Variants in NDUFAF2 observed in about 807,000 individuals in gnomAD.
NDUFAF2 encodes the protein NADH:ubiquinone oxidoreductase complex assembly factor 2.
Under a neutral mutation model 22.8 loss-of-function variants are expected in NDUFAF2, and 13 were observed. That is an observed-to-expected ratio of 0.57 (90% CI 0.37 to 0.91). The LOEUF (loss-of-function observed/expected upper bound fraction) is 0.91, where lower values mean the gene tolerates loss of function less well. Ranked by LOEUF, NDUFAF2 falls within the 40% of genes least tolerant of loss-of-function variation. NDUFAF2 has a pLI of 0.01. For synonymous variants in NDUFAF2, 53 were observed against 64.2 expected (o/e 0.83, Z 0.84); for missense variants, 162 against 195.2 (o/e 0.83, Z 1.01).
At chr5:61,124,555 CTG>C (rs908641966) in intron 3 of NDUFAF2, among the ~76,000 whole-genome samples, 1 of 151,854 alleles carries the variant, frequency 6.6e-6, no homozygotes, top group African/African-American at 2.4e-5. Context: ...CTGTCTAGTC[CTG>C]TGTTTTCCAG....
At chr5:60,978,661 T>C (rs999765384) in intron 1 of NDUFAF2, among the ~76,000 whole-genome samples, 3 of 152,104 alleles carry the variant, frequency 2.0e-5, no homozygotes, top group Non-Finnish European at 4.4e-5. Flanking sequence ...TCTCCAACAT[T>C]GGGGATTACA....
At chr5:60,969,611 T>G (rs2112572041) in intron 1 of NDUFAF2, among the ~76,000 whole-genome samples, 1 of 152,284 alleles carries the variant, frequency 6.6e-6, no homozygotes, top group East Asian at 1.9e-4. Context: ...TCCTTCTATA[T>G]TCTGGTTATT....
chr5:60,947,531 C>T (rs1580061441), intron 1 of NDUFAF2, among the ~76,000 whole-genome samples: 1 of 151,936 alleles, frequency 6.6e-6, no homozygotes, highest in Non-Finnish European at 1.5e-5. Context: ...TTTGGGAGGC[C>T]GAGGTGGGTG....
chr5:61,081,753 T>C (rs1385339535), intron 2 of NDUFAF2, among the ~76,000 whole-genome samples: 1 of 152,220 alleles, frequency 6.6e-6, no homozygotes, highest in Non-Finnish European at 1.5e-5. Flanking sequence ...TTTTTTGAGG[T>C]TTCTTAATAG....
chr5:61,050,311 T>A (rs1180381059), intron 1 of NDUFAF2: 1 of 152,118 alleles, frequency 6.6e-6, no homozygotes, highest in African/African-American at 2.4e-5. Flanking sequence ...TAGTGTATTT[T>A]AAATTCAACT....
intron 1 of NDUFAF2, among the ~76,000 whole-genome samples, chr5:61,002,648 T>A (rs918653965): frequency 1.3e-4 from 20 of 152,162 alleles, no homozygotes; most frequent in Admixed American, 1.3e-3. Flanking sequence ...AGATGTACAG[T>A]TGGATACAAT....
intron 1 of NDUFAF2, among the ~76,000 whole-genome samples, chr5:61,036,750 C>A (rs1751805147): frequency 6.6e-6 from 1 of 152,082 alleles, no homozygotes; most frequent in African/African-American, 2.4e-5. Flanking sequence ...AGAGTTGTGA[C>A]CTTGGGCCAG....
At chr5:61,127,967 A>G (rs1206727400) in intron 3 of NDUFAF2, among the ~76,000 whole-genome samples, 2 of 152,214 alleles carry the variant, frequency 1.3e-5, no homozygotes, top group African/African-American at 2.4e-5. Flanking sequence ...TATAAAATCA[A>G]TGTGCGAAAA....
At chr5:61,150,458 T>G (rs1200866435) in intron 3 of NDUFAF2, among the ~76,000 whole-genome samples, 2 of 152,150 alleles carry the variant, frequency 1.3e-5, no homozygotes, top group African/African-American at 4.8e-5. Flanking sequence ...TGGCTTTTCT[T>G]TTGCCTCAAT....
intron 3 of NDUFAF2, among the ~76,000 whole-genome samples, chr5:61,120,859 A>G (rs1393953677): frequency 2.0e-5 from 3 of 152,088 alleles, no homozygotes; most frequent in Non-Finnish European, 4.4e-5. Context: ...TTTTTTATCC[A>G]TACATTTTTT....
chr5:61,140,377 C>A (rs60294165), intron 3 of NDUFAF2, among the ~76,000 whole-genome samples: 5,025 of 152,280 alleles, frequency 0.033, 309 homozygotes, highest in African/African-American at 0.11. Flanking sequence ...TATCCGATTT[C>A]TCTGTTCCAG....
intron 3 of NDUFAF2, among the ~76,000 whole-genome samples, chr5:61,142,221 T>A (rs947586301): frequency 6.6e-6 from 1 of 152,250 alleles, no homozygotes; most frequent in Non-Finnish European, 1.5e-5. Context: ...TGTGTCTTTA[T>A]GCTTAGAGGC....
At chr5:61,139,663 G>T (rs958064380) in intron 3 of NDUFAF2, among the ~76,000 whole-genome samples, 6 of 152,282 alleles carry the variant, frequency 3.9e-5, no homozygotes, top group Admixed American at 3.3e-4. Flanking sequence ...AGGCTAATAG[G>T]GGCGGGTCCC....
chr5:61,121,762 AC>A (rs1417994320), intron 3 of NDUFAF2, among the ~76,000 whole-genome samples: 1 of 152,018 alleles, frequency 6.6e-6, no homozygotes, highest in Admixed American at 6.6e-5. Flanking sequence ...AGGGAAAAAA[AC>A]ATTCCCTCTA....
At chr5:61,145,857 TC>T (rs1661216528) in intron 3 of NDUFAF2, 1 of 152,108 alleles carries the variant, frequency 6.6e-6, no homozygotes, top group African/African-American at 2.4e-5. Flanking sequence ...AGAATGATAT[TC>T]TTCAATATTT....
intron 1 of NDUFAF2, among the ~76,000 whole-genome samples, chr5:60,984,185 T>A (rs1232207546): frequency 2.6e-5 from 4 of 152,224 alleles, no homozygotes; most frequent in African/African-American, 9.6e-5. Flanking sequence ...AGTTCATTCA[T>A]GATTTGGCTG....
intron 3 of NDUFAF2, among the ~76,000 whole-genome samples, chr5:61,118,112 C>T (rs2111794807): frequency 6.6e-6 from 1 of 152,292 alleles, no homozygotes. Flanking sequence ...GTTCTCCTTT[C>T]TCACTTCTTT....
At chr5:60,994,083 A>G (rs1050960623) in intron 1 of NDUFAF2, among the ~76,000 whole-genome samples, 1 of 152,210 alleles carries the variant, frequency 6.6e-6, no homozygotes, top group South Asian at 2.1e-4. Context: ...ATTGGTGCCC[A>G]AAATCCAGAG....
rs766786517 is a variant in NDUFAF2 at position 61,073,179 on chromosome 5, A to C, written c.182A>C (p.Asp61Ala). The change falls in exon 2 of 4, where the codon GAC becomes GCC. Residue 61 changes from aspartate (D) to alanine (A), a missense_variant. Physicochemically the swap from Asp to Ala is moderately radical, Grantham distance 126. Transcript: ENST00000296597. ...GAAGCAGCAAATAAAAAAGAAGTAGACTATGAAGCAGGGGATATTCCAACA... is the reference window on the plus strand; with the variant it reads ...GAAGCAGCAAATAAAAAAGAAGTAGCCTATGAAGCAGGGGATATTCCAACA... ...IVEAANKKEV[D>A]YEAGDIPTEW... 1 of 1,613,358 alleles carries C rather than the reference A, an allele frequency of 6.2e-7. No homozygotes were observed. Among genetic ancestry groups the C allele is most frequent in the Admixed American group, 1.7e-5 (1 of 60,030 alleles).
Sources: gnomAD v4.1 joint callset for allele counts (sites outside exome capture counted in the v4.1 genomes callset) on GRCh38, gnomAD v4.1.1 for gene constraint, MANE v1.5 for transcripts, NCBI Gene and HGNC (gene_info 2026-07-23, HGNC 2026-07-21) for gene names.